CEP97: variants seen among roughly 807,000 people sequenced by gnomAD.
CEP97 encodes the protein centrosomal protein 97, also known as centrosomal protein of 97 kDa.
CEP97 carries 43 observed loss-of-function variants against 73.1 expected under a neutral mutation model. That is an observed-to-expected ratio of 0.59 (90% CI 0.46 to 0.76). CEP97 has a LOEUF of 0.76. Ranked by LOEUF, CEP97 falls within the 30% of genes least tolerant of loss-of-function variation. CEP97 has a pLI of 0.00. For synonymous variants in CEP97, 337 were observed against 370.0 expected, an observed-to-expected ratio of 0.91 and a Z score of 1.02; for missense variants, 939 against 1,014.0, an observed-to-expected ratio of 0.93 and a Z score of 1.00.
chr3:101,741,087 T>A (rs547908940), intron 6 of CEP97, among the ~76,000 whole-genome samples: 1 of 151,992 alleles, frequency 6.6e-6, no homozygotes, highest in Non-Finnish European at 1.5e-5. Flanking sequence ...TATAGACAAA[T>A]GGAACAGAAC....
intron 6 of CEP97, among the ~76,000 whole-genome samples, chr3:101,747,273 T>A (rs1406857880): frequency 2.0e-5 from 3 of 151,318 alleles, no homozygotes; most frequent in Non-Finnish European, 3.0e-5. Context: ...TTTTTTTTTT[T>A]TTTTGAGACG....
At chr3:101,752,031 C>T (rs1446724460) in intron 6 of CEP97, among the ~76,000 whole-genome samples, 1 of 152,102 alleles carries the variant, frequency 6.6e-6, no homozygotes, top group Non-Finnish European at 1.5e-5. Context: ...TGGCTGGTAT[C>T]GCTTGTTCCT....
intron 10 of CEP97, among the ~76,000 whole-genome samples, chr3:101,763,987 A>G (rs990154151): frequency 6.6e-6 from 1 of 152,104 alleles, no homozygotes; most frequent in Non-Finnish European, 1.5e-5. Flanking sequence ...GAAGCAAGAG[A>G]ATTGCTTTGG....
chr3:101,728,814 T>C (rs777853551), intron 3 of CEP97, 22 bp from the exon 4 acceptor site: 3 of 1,440,848 alleles, frequency 2.1e-6, no homozygotes, highest in Non-Finnish European at 2.9e-6. Flanking sequence ...CATTAAATAG[T>C]GTGATGCTTT....
chr3:101,762,407 T>C (rs1939196497), intron 9 of CEP97, 78 bp from the exon 10 acceptor site: 2 of 749,844 alleles, frequency 2.7e-6, no homozygotes, highest in East Asian at 5.4e-5. Flanking sequence ...TTACAATGCA[T>C]GTGTTTATGA....
rs141860565 is a variant in CEP97 at position 101,757,695 on chromosome 3, G to A, written c.1089G>A (p.Ala363=). 1.7e-4 allele frequency: 279 copies of A among 1,614,126 alleles called. 1 individual carries two copies. The African/African-American group carries it at 3.2e-3, about 19-fold the overall frequency. ...GINSNDDQLF[A]VKNNFPASVH... ...ACAGTAATGATGATCAGTTATTTGC[G>A]GTTAAGAATAATTTTCCAGCCTCTG... Residue 363 remains alanine, a synonymous_variant, in exon 9 of 11, where the codon GCG becomes GCA. Coordinates refer to ENST00000341893, the MANE Select transcript of CEP97 (RefSeq NM_024548.4).
chr3:101,754,163 C>T (rs1389433671), intron 6 of CEP97, among the ~76,000 whole-genome samples: 1 of 146,724 alleles, frequency 6.8e-6, no homozygotes, highest in African/African-American at 2.5e-5. Context: ...GCTGGGATTA[C>T]AAGCATAAGC....
chr3:101,738,758 CAT>C (rs1325253444), intron 6 of CEP97, among the ~76,000 whole-genome samples: 1 of 152,054 alleles, frequency 6.6e-6, no homozygotes, highest in Non-Finnish European at 1.5e-5. Flanking sequence ...AACACCGTAA[CAT>C]AACAATTAAA....
At chr3:101,763,283 A>G in intron 10 of CEP97, 1 of 977,294 alleles carries the variant, frequency 1.0e-6, no homozygotes, top group Non-Finnish European at 1.3e-6. Context: ...GTTACCAACA[A>G]TAGAGGAATG....
intron 6 of CEP97, among the ~76,000 whole-genome samples, chr3:101,743,648 A>T (rs916434939): frequency 1.3e-5 from 2 of 152,110 alleles, no homozygotes. Context: ...CTCTTACCTC[A>T]GCCTCCCAAA....
chr3:101,762,538 C>A lies in CEP97; in HGVS notation c.1871C>A (p.Ala624Asp). The change falls in exon 10 of 11, where the codon GCT (alanine) becomes GAT (aspartate). Residue 624 changes from alanine (A) to aspartate (D), a missense_variant. Transcript: ENST00000341893. ...ERIKKFVQEE[A>D]FRFLWNQVRS... is the part of the protein sequence containing the mutation. Reference sequence around the variant, plus strand: ...ATTAAAAAATTTGTACAAGAAGAAGCTTTCAGATTCCTTTGGAACCAGGTA... The same window carrying A: ...ATTAAAAAATTTGTACAAGAAGAAGATTTCAGATTCCTTTGGAACCAGGTA... The A allele has an allele frequency of 6.2e-7, 1 of 1,610,634 alleles. No homozygotes were observed. The highest frequency in any genetic ancestry group is 8.5e-7 in the Non-Finnish European group (1 of 1,178,242).
At chr3:101,763,004 C>A in intron 10 of CEP97, 3 of 1,122,750 alleles carry the variant, frequency 2.7e-6, no homozygotes, top group South Asian at 3.4e-5. Flanking sequence ...ACTTTAGGGA[C>A]AGTTTAGGCA....
intron 6 of CEP97, among the ~76,000 whole-genome samples, 167 bp downstream of exon 6, chr3:101,732,821 A>G (rs1319190566): frequency 6.6e-6 from 1 of 152,170 alleles, no homozygotes; most frequent in Non-Finnish European, 1.5e-5. Flanking sequence ...TCATTTCTAA[A>G]AAAGGATAAG....
chr3:101,729,051 T>G, intron 4 of CEP97, 114 bp downstream of exon 4: 1 of 659,760 alleles, frequency 1.5e-6, no homozygotes. Flanking sequence ...TTCTTTATGA[T>G]AAGAATTATG....
At chr3:101,754,891 G>T (rs1267591355) in intron 6 of CEP97, among the ~76,000 whole-genome samples, 4 of 146,344 alleles carry the variant, frequency 2.7e-5, no homozygotes, top group Non-Finnish European at 6.0e-5. Flanking sequence ...TCAGATTCAG[G>T]TTTGATTTTT....
At chr3:101,729,660 C>T (rs1302868604) in intron 4 of CEP97, among the ~76,000 whole-genome samples, 1 of 152,076 alleles carries the variant, frequency 6.6e-6, no homozygotes, top group East Asian at 1.9e-4. Context: ...CTCGACCTCC[C>T]AGGCTCAAGT....
At chr3:101,761,808 A>G (rs1939184692) in intron 9 of CEP97, among the ~76,000 whole-genome samples, 1 of 152,172 alleles carries the variant, frequency 6.6e-6, no homozygotes, top group South Asian at 2.1e-4. Flanking sequence ...GAGGTGTGGA[A>G]CAAAATGGTC....
chr3:101,743,756 C>T (rs749973739), intron 6 of CEP97, among the ~76,000 whole-genome samples: 1 of 152,078 alleles, frequency 6.6e-6, no homozygotes, highest in Non-Finnish European at 1.5e-5. Flanking sequence ...GTAATCCTAG[C>T]ACTTTGGGAG....
Position 101,765,647 on chromosome 3 carries a change from AT to A in CEP97, c.*100del. On this transcript the variant is annotated 3_prime_UTR_variant, in exon 11 of 11. Coordinates refer to ENST00000341893, the MANE Select transcript of CEP97 (RefSeq NM_024548.4). ...TGGAGGGAAATACTCCCTACCCCTA[AT>A]TTTGTTACTACTTATATAGAATTTG... 2 of 887,894 alleles carry A rather than the reference AT, an allele frequency of 2.3e-6. No individual in the cohort carries two copies. Among genetic ancestry groups the A allele is most frequent in the Non-Finnish European group, 3.5e-6 (2 of 577,114 alleles). 55.0% of individuals were successfully genotyped at this position (887,894 alleles called of 1,614,324 possible).
Sources: allele counts gnomAD v4.1 joint callset (sites outside exome capture counted in the v4.1 genomes callset), GRCh38; gene constraint gnomAD v4.1.1; transcripts MANE v1.5; gene names NCBI Gene and HGNC (gene_info 2026-07-23, HGNC 2026-07-21).